Variants in PTK2B observed in about 807,000 individuals in gnomAD.
PTK2B encodes protein-tyrosine kinase 2-beta.
Under a neutral mutation model 142.9 loss-of-function variants are expected in PTK2B, and 71 were observed. The observed-to-expected ratio is 0.50, with a 90% CI of 0.41 to 0.61. The LOEUF (loss-of-function observed/expected upper bound fraction) is 0.61. PTK2B is among the 20% of genes least tolerant of loss of function. The pLI, the probability that PTK2B is intolerant of heterozygous loss-of-function variation, is 0.00. For missense variants in PTK2B, 1,105 were observed against 1,320.4 expected (o/e 0.84, Z 2.53); for synonymous variants, 519 against 503.4 (o/e 1.03, Z -0.42).
At chr8:27,319,275 A>C (rs1803155957) in intron 3 of PTK2B, among the ~76,000 whole-genome samples, 1 of 147,558 alleles carries the variant, frequency 6.8e-6, no homozygotes, top group Non-Finnish European at 1.5e-5. Flanking sequence ...TCCCCTCTAC[A>C]GATTTTTTTT....
At chr8:27,433,184 G>A (rs902336801) in intron 10 of PTK2B, among the ~76,000 whole-genome samples, 1 of 152,210 alleles carries the variant, frequency 6.6e-6, no homozygotes, top group African/African-American at 2.4e-5. Flanking sequence ...TAGGTACCAG[G>A]CATCGTGCTA....
intron 1 of PTK2B, among the ~76,000 whole-genome samples, chr8:27,372,679 A>G (rs981050640): frequency 2.0e-5 from 3 of 152,146 alleles, no homozygotes; most frequent in Non-Finnish European, 4.4e-5. Flanking sequence ...ACAGGGAGCA[A>G]TGGCCAGAGG....
At chr8:27,408,989 C>A (rs1808892203) in intron 2 of PTK2B, among the ~76,000 whole-genome samples, 1 of 152,146 alleles carries the variant, frequency 6.6e-6, no homozygotes, top group African/African-American at 2.4e-5. Context: ...GGTGATTCGC[C>A]AATGGTCTTT....
intron 5 of PTK2B, among the ~76,000 whole-genome samples, chr8:27,426,032 C>T (rs1810060485): frequency 6.6e-6 from 1 of 152,174 alleles, no homozygotes; most frequent in Non-Finnish European, 1.5e-5. Flanking sequence ...TGATCTGAGA[C>T]ACCTAGGACC....
chr8:27,346,906 A>G (rs746029241), intron 1 of PTK2B, among the ~76,000 whole-genome samples: 2 of 152,218 alleles, frequency 1.3e-5, no homozygotes. Flanking sequence ...GCCCAGAATG[A>G]TGACTGTTTT....
intron 24 of PTK2B, among the ~76,000 whole-genome samples, chr8:27,448,112 TG>T (rs1419049436): frequency 1.3e-5 from 2 of 152,058 alleles, no homozygotes; most frequent in Non-Finnish European, 2.9e-5. Context: ...CCTTGAAAGA[TG>T]GGAAAGATGT....
At chr8:27,395,747 G>T (rs1808006701) in intron 1 of PTK2B, among the ~76,000 whole-genome samples, 1 of 152,170 alleles carries the variant, frequency 6.6e-6, no homozygotes, top group African/African-American at 2.4e-5. Context: ...TTAAACTGTG[G>T]TTGTGCAAGC....
At chr8:27,344,343 G>A (rs764745708) in intron 1 of PTK2B, among the ~76,000 whole-genome samples, 1 of 152,152 alleles carries the variant, frequency 6.6e-6, no homozygotes, top group African/African-American at 2.4e-5. Context: ...TAGAAGCGAG[G>A]GCTTCTCAAG....
At chr8:27,434,612 C>A in intron 13 of PTK2B, 53 bp downstream of exon 13, 1 of 1,552,534 alleles carries the variant, frequency 6.4e-7, no homozygotes, top group Non-Finnish European at 8.8e-7. Context: ...CGTCTGCTTG[C>A]TCCCCACTGC....
At position 27,394,603 on chromosome 8, in the gene PTK2B, C is replaced by T. The variant is rs76579985; in HGVS notation, c.-37-2945C>T. On this transcript the variant is annotated intron_variant, in intron 1 of 30. Transcript: ENST00000346049. ...TGCACTACTGTAGACTTTATAAACA[C>T]GGTGTACTTAGGCTACACTAAATTT... Among the ~76,000 whole-genome samples the T allele has an allele frequency of 6.2e-3, 950 of 152,264 alleles. 12 individuals are homozygous for T. Among genetic ancestry groups the T allele is most frequent in the African/African-American group, 0.022 (909 of 41,552 alleles).
At chr8:27,417,867 G>T (rs894050138) in intron 2 of PTK2B, among the ~76,000 whole-genome samples, 1 of 152,174 alleles carries the variant, frequency 6.6e-6, no homozygotes, top group East Asian at 1.9e-4. Context: ...AGTGGTGGGG[G>T]CTCCAGGAGG....
At chr8:27,340,432 T>A (rs917639950) in intron 1 of PTK2B, among the ~76,000 whole-genome samples, 2 of 152,196 alleles carry the variant, frequency 1.3e-5, no homozygotes, top group Non-Finnish European at 2.9e-5. Flanking sequence ...GGGCCTGTTT[T>A]GGAAGCTGGG....
chr8:27,446,891 A>G (rs914895019), intron 24 of PTK2B, among the ~76,000 whole-genome samples: 3 of 152,312 alleles, frequency 2.0e-5, no homozygotes, highest in East Asian at 1.9e-4. Flanking sequence ...TGTGAAATCA[A>G]TTTTCCTCTG....
intron 1 of PTK2B, among the ~76,000 whole-genome samples, chr8:27,373,878 C>A (rs985182326): frequency 2.0e-5 from 3 of 151,836 alleles, no homozygotes; most frequent in African/African-American, 7.3e-5. Context: ...AAATACGCCT[C>A]TTGAACAGGA....
chr8:27,405,866 T>G (rs1293138121), intron 2 of PTK2B, among the ~76,000 whole-genome samples: 1 of 152,282 alleles, frequency 6.6e-6, no homozygotes, highest in African/African-American at 2.4e-5. Context: ...TATTTTGTTC[T>G]TCAATCACTT....
chr8:27,364,321 T>C (rs1217274395), intron 1 of PTK2B, among the ~76,000 whole-genome samples: 1 of 152,202 alleles, frequency 6.6e-6, no homozygotes, highest in Non-Finnish European at 1.5e-5. Context: ...AATGATGGCC[T>C]CCTCCAAGAA....
At chr8:27,391,094 T>C (rs908555173) in intron 1 of PTK2B, among the ~76,000 whole-genome samples, 3 of 129,882 alleles carry the variant, frequency 2.3e-5, no homozygotes, top group African/African-American at 8.8e-5. Flanking sequence ...TTTTTTTTTT[T>C]CTTGAGGTGA....
At position 27,459,086 on chromosome 8, in the gene PTK2B, C is replaced by G. The variant is rs1002057658; in HGVS notation, c.*577C>G. On this transcript the variant is annotated 3_prime_UTR_variant, in exon 31 of 31. Coordinates refer to ENST00000346049, the MANE Select transcript of PTK2B (RefSeq NM_173176.3). ...CTGAGGGAGGACCTGGGGCACAGTC[C>G]AGGAACAAGCTAATTGGGAGTCCAG... 4.1e-6 allele frequency: 1 copy of G among 244,872 alleles called. No individual in the cohort carries two copies. The highest frequency in any genetic ancestry group is 2.2e-5 in the African/African-American group (1 of 45,334). 15.2% of individuals were successfully genotyped at this position (244,872 alleles called of 1,614,324 possible).
chr8:27,419,518 G>A (rs1377785318), intron 2 of PTK2B, among the ~76,000 whole-genome samples: 1 of 152,228 alleles, frequency 6.6e-6, no homozygotes, highest in Non-Finnish European at 1.5e-5. Flanking sequence ...CCTGGTGCAG[G>A]AGCTCAGTGA....
Sources: gnomAD v4.1 joint callset for allele counts (sites outside exome capture counted in the v4.1 genomes callset) on GRCh38, gnomAD v4.1.1 for gene constraint, MANE v1.5 for transcripts, NCBI Gene and HGNC (gene_info 2026-07-23, HGNC 2026-07-21) for gene names.